Variants in CEP162 observed in about 807,000 individuals in gnomAD.
CEP162 encodes the protein centrosomal protein of 162 kDa.
Under a neutral mutation model 169.2 loss-of-function variants are expected in CEP162, and 141 were observed. The observed-to-expected ratio is 0.83, with a 90% CI of 0.73 to 0.96. CEP162 has a LOEUF of 0.96. Ranked by LOEUF, CEP162 falls within the 40% of genes least tolerant of loss-of-function variation. The probability of loss-of-function intolerance (pLI) is 0.00; values close to 1 mark genes in which losing one functional copy is unlikely to be tolerated. For synonymous variants in CEP162, 540 were observed against 526.4 expected (o/e 1.03, Z -0.35); for missense variants, 1,600 against 1,587.2 (o/e 1.01, Z -0.14).
chr6:84,217,868 A>G (rs1267706622), intron 3 of CEP162: 1 of 152,262 alleles, frequency 6.6e-6, no homozygotes, highest in Non-Finnish European at 1.5e-5. Flanking sequence ...TAACTGCAAC[A>G]AAGAGACACA....
chr6:84,150,564 A>G (rs542184711), intron 23 of CEP162, among the ~76,000 whole-genome samples: 1 of 152,300 alleles, frequency 6.6e-6, no homozygotes, highest in African/African-American at 2.4e-5. Flanking sequence ...TAACTGAATG[A>G]TAGTAAAAAG....
intron 21 of CEP162, among the ~76,000 whole-genome samples, chr6:84,159,876 C>T (rs2099525050): frequency 6.6e-6 from 1 of 152,034 alleles, no homozygotes; most frequent in South Asian, 2.1e-4. Context: ...GCCACCGCGC[C>T]TGGCCAAATA....
chr6:84,124,744 C>A lies in CEP162; in HGVS notation c.*326G>T. On this transcript the variant is annotated 3_prime_UTR_variant, in exon 27 of 27. Transcript: ENST00000403245. Reference sequence around the variant, plus strand: ...GGATCTAAAATAAAAATTTTAAAAACCTCACATTATCAATAAAAATGTGGC... The same window carrying A: ...GGATCTAAAATAAAAATTTTAAAAAACTCACATTATCAATAAAAATGTGGC... 1 of 300,448 alleles carries A rather than the reference C, an allele frequency of 3.3e-6. No individual in the cohort carries two copies. Among genetic ancestry groups the A allele is most frequent in the South Asian group, 3.7e-5 (1 of 27,156 alleles). The allele number at this position is 300,448 out of a possible 1,614,324, so 18.6% of individuals were successfully genotyped here. A position where few individuals can be genotyped will look rare whatever the true frequency, so the allele number is the denominator to read the frequency against.
chr6:84,204,590 G>C (rs1355812401), intron 6 of CEP162, among the ~76,000 whole-genome samples: 1 of 152,080 alleles, frequency 6.6e-6, no homozygotes, highest in Non-Finnish European at 1.5e-5. Context: ...TGTGTAGAGG[G>C]AAATTTATAG....
chr6:84,215,513 A>G (rs949388146), intron 4 of CEP162, 48 bp from the exon 5 acceptor site: 6 of 1,393,812 alleles, frequency 4.3e-6, no homozygotes, highest in Non-Finnish European at 5.7e-6. Flanking sequence ...GAATTTTGAA[A>G]ACATTGATTT....
intron 25 of CEP162, among the ~76,000 whole-genome samples, chr6:84,137,537 A>G (rs560339267): frequency 6.6e-6 from 1 of 152,036 alleles, no homozygotes; most frequent in Non-Finnish European, 1.5e-5. Flanking sequence ...ATGCAGATTA[A>G]AAAAAATAAA....
At position 84,125,228 on chromosome 6, in the gene CEP162, C is replaced by T. The variant is rs2099508436; in HGVS notation, c.4054G>A (p.Val1352Ile). 6.2e-7 allele frequency: 1 copy of T among 1,613,498 alleles called. No homozygotes were observed. Among genetic ancestry groups the T allele is most frequent in the Non-Finnish European group, 8.5e-7 (1 of 1,179,632 alleles). The change falls in exon 27 of 27, where the codon GTT becomes ATT. Residue 1352 changes from valine to isoleucine, a missense_variant. By Grantham distance (29) the Val-to-Ile change is conservative. Transcript: ENST00000403245. ...QVVETEQNKE[V>I]EKWKRLAQLK... ...TGTGCCAGTCTTTTCCATTTTTCAA[C>T]TTCTTTGTTTTGCTCAGTTTCTACT...
At chr6:84,150,477 C>T (rs2099520684) in intron 23 of CEP162, among the ~76,000 whole-genome samples, 1 of 151,970 alleles carries the variant, frequency 6.6e-6, no homozygotes, top group Admixed American at 6.6e-5. Flanking sequence ...GCTTATTTCA[C>T]CATATGAATA....
intron 25 of CEP162, among the ~76,000 whole-genome samples, chr6:84,133,806 C>T (rs897091920): frequency 1.1e-4 from 17 of 152,156 alleles, no homozygotes; most frequent in African/African-American, 2.4e-4. Flanking sequence ...AGACCCCTTG[C>T]GCTTCCTGGG....
chr6:84,134,029 G>C (rs2099512793), intron 25 of CEP162, among the ~76,000 whole-genome samples: 2 of 152,196 alleles, frequency 1.3e-5, no homozygotes, highest in African/African-American at 4.8e-5. Flanking sequence ...CCTGACTGGG[G>C]CTGCTGCCTT....
Position 84,194,881 on chromosome 6 carries a change from T to C in CEP162, c.1027+3A>G. 2 of 1,589,378 alleles carry C rather than the reference T, an allele frequency of 1.3e-6. No homozygotes were observed. Among genetic ancestry groups the C allele is most frequent in the Non-Finnish European group, 1.7e-6 (2 of 1,166,054 alleles). On this transcript the variant is annotated splice_donor_region_variant and intron_variant, in intron 10 of 26. Transcript: ENST00000403245. ...ATTGAAAAATTCATCTGTAAGTTTT[T>C]ACCAGATTCCATAGTAGAGATGTTT... is the stretch of plus-strand genomic sequence containing the variant.
chr6:84,207,406 T>C (rs912660527), intron 6 of CEP162, among the ~76,000 whole-genome samples: 1 of 152,174 alleles, frequency 6.6e-6, no homozygotes, highest in Non-Finnish European at 1.5e-5. Context: ...GATGAGTTCA[T>C]GTCCTTTGTA....
intron 11 of CEP162, among the ~76,000 whole-genome samples, chr6:84,192,835 T>C (rs2099540470): frequency 6.6e-6 from 1 of 152,236 alleles, no homozygotes; most frequent in South Asian, 2.1e-4. Context: ...GCTTCAATCT[T>C]CTTGTCTATG....
intron 11 of CEP162, among the ~76,000 whole-genome samples, chr6:84,193,044 G>A (rs928276412): frequency 2.6e-5 from 4 of 152,234 alleles, no homozygotes; most frequent in African/African-American, 9.6e-5. Context: ...GATCACGTGG[G>A]AGACTGGACA....
chr6:84,131,950 A>G (rs1410210605), intron 25 of CEP162, among the ~76,000 whole-genome samples: 1 of 152,152 alleles, frequency 6.6e-6, no homozygotes, highest in Non-Finnish European at 1.5e-5. Flanking sequence ...TGGTCTTTAC[A>G]ATTTGGCATG....
chr6:84,181,800 A>G (rs2099534951), intron 13 of CEP162, among the ~76,000 whole-genome samples: 1 of 152,134 alleles, frequency 6.6e-6, no homozygotes, highest in African/African-American at 2.4e-5. Context: ...TATTAAATGT[A>G]TCTTAAAAAA....
Position 84,154,668 on chromosome 6 carries a change from T to C in CEP162, c.2994+630A>G, listed in dbSNP as rs116061453. Among the ~76,000 whole-genome samples, 922 of 152,318 alleles carry C rather than the reference T, an allele frequency of 6.1e-3. 16 individuals carry two copies. Among genetic ancestry groups the C allele is most frequent in the African/African-American group, 0.021 (864 of 41,572 alleles). The stretch of plus-strand genomic sequence containing the variant: ...GGATTATGCAAGATGAACAGAGATA[T>C]TTATGAAAGTATCTAGCATGAATTC... On this transcript the variant is annotated intron_variant, in intron 22 of 26. Transcript: ENST00000403245.
Position 84,185,280 on chromosome 6 carries a change from T to A in CEP162, c.1570A>T (p.Met524Leu). The change falls in exon 13 of 27, where the codon ATG becomes TTG. Residue 524 changes from methionine (M) to leucine (L), a missense_variant. By Grantham distance (15) the Met-to-Leu change is conservative (BLOSUM62 2). Transcript: ENST00000403245. ...GTTTTCTTTTCAAGAGTAGAAAACATCTTGAGTGGTGAACTGGGTTTGCCA... is the reference window on the plus strand; with the variant it reads ...GTTTTCTTTTCAAGAGTAGAAAACAACTTGAGTGGTGAACTGGGTTTGCCA... ...GYGKPSSPLK[M>L]FSTLEKKTSE... 2 of 1,613,736 alleles carry A rather than the reference T, an allele frequency of 1.2e-6. No homozygotes were observed. Among genetic ancestry groups the A allele is most frequent in the South Asian group, 1.1e-5 (1 of 91,072 alleles).
intron 9 of CEP162, among the ~76,000 whole-genome samples, chr6:84,198,373 G>A (rs957933332): frequency 1.3e-5 from 2 of 152,050 alleles, no homozygotes; most frequent in Middle Eastern, 3.2e-3. Flanking sequence ...CGCCTCCCAG[G>A]TTCAAGCGAT....
Sources: gnomAD v4.1 joint callset for allele counts (sites outside exome capture counted in the v4.1 genomes callset) on GRCh38, gnomAD v4.1.1 for gene constraint, MANE v1.5 for transcripts, NCBI Gene and HGNC (gene_info 2026-07-23, HGNC 2026-07-21) for gene names.